The following TMEM163 variants were observed in gnomAD, a reference collection of about 807,000 sequenced individuals.
TMEM163 encodes transmembrane protein 163.
In TMEM163, 17 loss-of-function variants were observed where a neutral mutation model predicts 29.3. That is an observed-to-expected ratio of 0.58 (90% CI 0.40 to 0.87). The LOEUF is 0.87. Among genes scored for constraint, TMEM163 ranks in the 40% least tolerant of loss-of-function variants. The pLI, the probability that TMEM163 is intolerant of heterozygous loss-of-function variation, is 0.00. For missense variants in TMEM163, 303 were observed against 381.5 expected (o/e 0.79, Z 1.71); for synonymous variants, 157 against 160.6 (o/e 0.98, Z 0.17).
intron 4 of TMEM163, among the ~76,000 whole-genome samples, chr2:134,514,459 ATTT>A (rs1169876040): frequency 6.8e-6 from 1 of 147,154 alleles, no homozygotes; most frequent in African/African-American, 2.5e-5. Flanking sequence ...AAGTTTACAA[ATTT>A]GTTTTGGGCT....
chr2:134,521,272 C>T (rs1239689818), intron 4 of TMEM163, among the ~76,000 whole-genome samples: 1 of 152,188 alleles, frequency 6.6e-6, no homozygotes, highest in Non-Finnish European at 1.5e-5. Context: ...GCTGCGATTA[C>T]AGGCATGAGC....
At chr2:134,650,000 G>C (rs1431250124) in intron 2 of TMEM163, among the ~76,000 whole-genome samples, 5 of 89,196 alleles carry the variant, frequency 5.6e-5, no homozygotes, top group African/African-American at 2.6e-4. Flanking sequence ...GTGAGACCCT[G>C]TCTTAAAAAA....
Position 134,713,204 on chromosome 2 carries a change from G to C in TMEM163, c.318C>G (p.Ala106=). ...GACGAGACCCTTGATACTCACTAAA[G>C]GCAGCCACCGCGAGGGCCAGGGTGA... ...IIVTLALAVA[A]FTVSVMRYSA... Residue 106 remains alanine (A), a synonymous_variant, in exon 2 of 8, where the codon GCC becomes GCG. Transcript: ENST00000281924. 6.2e-7 allele frequency: 1 copy of C among 1,614,052 alleles called. No individual in the cohort carries two copies. The highest frequency in any genetic ancestry group is 1.1e-5 in the South Asian group (1 of 91,060).
At chr2:134,612,942 T>TTAGA (rs1682537758) in intron 2 of TMEM163, among the ~76,000 whole-genome samples, 1 of 152,226 alleles carries the variant, frequency 6.6e-6, no homozygotes, top group African/African-American at 2.4e-5. Context: ...AAGCCAGATG[T>TTAGA]TAGACTTACT....
intron 2 of TMEM163, among the ~76,000 whole-genome samples, chr2:134,642,656 A>T (rs1211540066): frequency 6.6e-6 from 1 of 152,218 alleles, no homozygotes; most frequent in Non-Finnish European, 1.5e-5. Flanking sequence ...ACAAAACATG[A>T]AGTATATCCT....
chr2:134,539,858 G>T (rs1043187964), intron 4 of TMEM163, among the ~76,000 whole-genome samples: 1 of 152,242 alleles, frequency 6.6e-6, no homozygotes, highest in African/African-American at 2.4e-5. Context: ...CATCTGAGAA[G>T]GGAAGGAGCT....
chr2:134,678,866 G>A (rs921389144), intron 2 of TMEM163, among the ~76,000 whole-genome samples: 3 of 152,194 alleles, frequency 2.0e-5, no homozygotes, highest in African/African-American at 4.8e-5. Flanking sequence ...CTAACTTCAA[G>A]TGGATAAGCT....
intron 4 of TMEM163, among the ~76,000 whole-genome samples, chr2:134,542,532 ACC>A (rs1473345170): frequency 6.6e-6 from 1 of 152,176 alleles, no homozygotes; most frequent in Non-Finnish European, 1.5e-5. Context: ...CACTCGCATT[ACC>A]GCCTGGGCTC....
intron 2 of TMEM163, among the ~76,000 whole-genome samples, chr2:134,694,504 G>C (rs1401219849): frequency 6.6e-6 from 1 of 152,176 alleles, no homozygotes; most frequent in Non-Finnish European, 1.5e-5. Context: ...TATTTCACCA[G>C]AAATAAATCA....
chr2:134,576,725 A>AG, intron 2 of TMEM163, among the ~76,000 whole-genome samples: 1 of 152,222 alleles, frequency 6.6e-6, no homozygotes, highest in Non-Finnish European at 1.5e-5. Context: ...AGTATTTACA[A>AG]GTCCTGAAAA....
At position 134,456,639 on chromosome 2, in the gene TMEM163, G is replaced by A. The variant is rs1185870298; in HGVS notation, c.*77C>T. The A allele has an allele frequency of 1.2e-5, 19 of 1,524,288 alleles. No homozygotes were observed. Among genetic ancestry groups the A allele is most frequent in the East Asian group, 4.6e-5 (2 of 43,652 alleles). 94.4% of individuals were successfully genotyped at this position (1,524,288 alleles called of 1,614,324 possible). ...GAAAACTTCCAAAAAGAAACCAGAT[G>A]TTCAGTTAAATATTGGCACCCTTTG... On this transcript the variant is annotated 3_prime_UTR_variant, in exon 8 of 8. Transcript: ENST00000281924.
At chr2:134,667,866 A>C (rs1683901652) in intron 2 of TMEM163, among the ~76,000 whole-genome samples, 2 of 152,208 alleles carry the variant, frequency 1.3e-5, no homozygotes, top group African/African-American at 4.8e-5. Context: ...AAATCCACCA[A>C]TATCACCTAG....
At chr2:134,461,795 T>C (rs2106472571) in intron 6 of TMEM163, among the ~76,000 whole-genome samples, 1 of 152,272 alleles carries the variant, frequency 6.6e-6, no homozygotes, top group South Asian at 2.1e-4. Context: ...GGCTCCGGGT[T>C]GGGACCCAGT....
chr2:134,518,577 G>T (rs930260516), intron 4 of TMEM163, among the ~76,000 whole-genome samples: 1 of 152,116 alleles, frequency 6.6e-6, no homozygotes, highest in Non-Finnish European at 1.5e-5. Flanking sequence ...ACTCGGGGTC[G>T]CGTAAAAGAC....
At chr2:134,688,706 C>T (rs375556935) in intron 2 of TMEM163, among the ~76,000 whole-genome samples, 1 of 152,210 alleles carries the variant, frequency 6.6e-6, no homozygotes, top group Non-Finnish European at 1.5e-5. Flanking sequence ...AAATGACCTT[C>T]AATCTTCATC....
intron 2 of TMEM163, among the ~76,000 whole-genome samples, chr2:134,666,701 C>A (rs1433610475): frequency 2.0e-5 from 3 of 152,182 alleles, no homozygotes. Context: ...CTAGTTCCAC[C>A]AATTCCTCAT....
At chr2:134,619,864 C>T (rs551437214) in intron 2 of TMEM163, among the ~76,000 whole-genome samples, 3 of 152,282 alleles carry the variant, frequency 2.0e-5, no homozygotes, top group Admixed American at 6.5e-5. Context: ...GATCAATATA[C>T]AAATATTAAT....
At chr2:134,491,161 T>C (rs1355538468) in intron 5 of TMEM163, among the ~76,000 whole-genome samples, 1 of 152,060 alleles carries the variant, frequency 6.6e-6, no homozygotes, top group Non-Finnish European at 1.5e-5. Context: ...TAGAGAGGCA[T>C]GTGAAGAGCG....
chr2:134,455,821 G>A lies in TMEM163; in HGVS notation c.*895C>T, dbSNP rs954152496. The A allele has an allele frequency of 5.9e-5, 9 of 152,418 alleles. No individual in the cohort carries two copies. The highest frequency in any genetic ancestry group is 2.2e-4 in the African/African-American group (9 of 41,456). 9.4% of individuals were successfully genotyped at this position (152,418 alleles called of 1,614,324 possible). A position where few individuals can be genotyped will look rare whatever the true frequency, so the allele number is the denominator to read the frequency against. ...CACTACTGCCCGGGCAAGCAGTGGT[G>A]TGAGAGGTACAGAACGGTGCGGGTT... On this transcript the variant is annotated 3_prime_UTR_variant, in exon 8 of 8. Transcript: ENST00000281924.
Sources: gnomAD v4.1 joint callset for allele counts (sites outside exome capture counted in the v4.1 genomes callset) on GRCh38, gnomAD v4.1.1 for gene constraint, MANE v1.5 for transcripts, NCBI Gene and HGNC (gene_info 2026-07-23, HGNC 2026-07-21) for gene names.